Variants in RASSF1 observed in about 807,000 individuals in gnomAD.
RASSF1 encodes Ras association domain family member 1.
A neutral mutation model predicts 34.3 loss-of-function variants in RASSF1; 33 were observed. The ratio of observed to expected loss-of-function variants is 0.96; its 90% CI spans 0.73 to 1.29. RASSF1 has a LOEUF of 1.29. Among genes scored for constraint, RASSF1 ranks in the 50% most tolerant of loss-of-function variants. The probability of loss-of-function intolerance (pLI) is 0.00; values close to 1 mark genes in which losing one functional copy is unlikely to be tolerated. For synonymous variants in RASSF1, 191 were observed against 195.0 expected (o/e 0.98, Z 0.17); for missense variants, 445 against 471.8 (o/e 0.94, Z 0.53).
intron 2 of RASSF1, chr3:50,337,649 G>T: frequency 1.1e-6 from 1 of 929,342 alleles, no homozygotes; most frequent in Non-Finnish European, 1.6e-6. Context: ...GGCGAGGGCG[G>T]GAAGGTGCGG....
Position 50,331,454 on chromosome 3 carries a change from G to A in RASSF1, c.761-5C>T, listed in dbSNP as rs1189817127. ...CCAACAGCTTCCGCAAGTACACTGT[G>A]AAGGGGAAGTAATGATCAGAGACAG... On this transcript the variant is annotated splice_polypyrimidine_tract_variant and splice_region_variant and intron_variant, in intron 4 of 5. Transcript: ENST00000359365. The A allele has an allele frequency of 1.3e-6, 2 of 1,585,594 alleles. No individual in the cohort carries two copies. The highest frequency in any genetic ancestry group is 1.7e-6 in the Non-Finnish European group (2 of 1,161,574).
In RASSF1 at chr3:50,330,715, TG is replaced by T; in HGVS notation, c.888del (p.Phe296LeufsTer76). ...AGGAAGTTATGTAGTTCAGGCATGC[TG>T]AAGGCGTCCCACTGCAAGGGGCAAA... Reference protein sequence around the residue: ...NDSGEVNWDAFSMPELHNFLR... With the variant: ...NDSGEVNWDAXSMPELHNFLR... On this transcript the variant is annotated frameshift_variant, in exon 6 of 6. Transcript: ENST00000359365. LOFTEE classifies it high-confidence loss of function. This position sits in a 1 kb window ranked among gnomAD's most constrained non-coding sequence, Gnocchi z 4.5. 6.2e-7 allele frequency: 1 copy of T among 1,613,930 alleles called. No individual in the cohort carries two copies. The highest frequency in any genetic ancestry group is 8.5e-7 in the Non-Finnish European group (1 of 1,179,934).
In RASSF1 at chr3:50,337,794, A is replaced by G. The variant is rs587727238; in HGVS notation, c.357+111T>C. The G allele has an allele frequency of 1.2e-5, 14 of 1,152,612 alleles. No homozygotes were observed. In the South Asian group the frequency reaches 2.1e-4, roughly 17 times the overall value. 71.4% of individuals were successfully genotyped at this position (1,152,612 alleles called of 1,614,324 possible). A position where few individuals can be genotyped will look rare whatever the true frequency, so the allele number is the denominator to read the frequency against. On this transcript the variant is annotated intron_variant, in intron 2 of 5. Transcript: ENST00000359365. ...ATTAGCCTCTCTGTGCCGCCGGGAA[A>G]TCGGCAATTAGAACGCTCCTTGCGC...
intron 2 of RASSF1, 21 bp from the exon 3 acceptor site, chr3:50,332,175 G>A: frequency 6.2e-7 from 1 of 1,608,358 alleles, no homozygotes; most frequent in Non-Finnish European, 8.5e-7. Context: ...GGCCAGCATG[G>A]ACACAGGGCC....
rs753924873 is a variant in RASSF1, at chr3:50,340,671, C to A, written c.135G>T (p.Gln45His). 3 of 1,534,050 alleles carry A rather than the reference C, an allele frequency of 2.0e-6. No homozygotes were observed. The highest frequency in any genetic ancestry group is 2.6e-6 in the Non-Finnish European group (3 of 1,150,792). The stretch of plus-strand genomic sequence containing the variant: ...AGCGGTGGCCACGGCCAGGGACCAG[C>A]TGCCGTGTGGGGTTGCACGCGGTGC... ...ARGTACNPTR[Q>H]LVPGRGHRFQ... The change falls in exon 1 of 6, where the codon CAG becomes CAT. Residue 45 changes from glutamine (Q) to histidine (H), a missense_variant. Coordinates refer to ENST00000359365, the MANE Select transcript of RASSF1 (RefSeq NM_007182.5).
chr3:50,334,966 T>C (rs1457076741), intron 2 of RASSF1, among the ~76,000 whole-genome samples: 1 of 152,186 alleles, frequency 6.6e-6, no homozygotes, highest in Non-Finnish European at 1.5e-5. Flanking sequence ...GGTTTTTTTT[T>C]TGAGACAGAG....
chr3:50,332,633 GA>G lies in RASSF1; in HGVS notation c.358-480del, dbSNP rs56872728. ...CAAGACCTCATCTCTACTAAAAAAAGAAAAAAAAAAATTAGCCAGGTGTGGT... is the reference window on the plus strand; with the variant it reads ...CAAGACCTCATCTCTACTAAAAAAAGAAAAAAAAAATTAGCCAGGTGTGGT... On this transcript the variant is annotated intron_variant, in intron 2 of 5. Coordinates refer to ENST00000359365, the MANE Select transcript of RASSF1 (RefSeq NM_007182.5). 4.9e-4 allele frequency among the ~76,000 whole-genome samples: 72 copies of G among 147,090 alleles called. 1 individual carries two copies. Among genetic ancestry groups the G allele is most frequent in the East Asian group, 4.1e-3 (21 of 5,096 alleles).
At chr3:50,338,922 C>T (rs1703263945) in intron 1 of RASSF1, among the ~76,000 whole-genome samples, 1 of 152,194 alleles carries the variant, frequency 6.6e-6, no homozygotes, top group African/African-American at 2.4e-5. Context: ...TTCCTCCTAC[C>T]CCCTGCAGCT....
chr3:50,330,389 C>G lies in RASSF1; in HGVS notation c.*192G>C. The G allele has an allele frequency of 1.3e-6, 1 of 753,890 alleles. No individual in the cohort carries two copies. Among genetic ancestry groups the G allele is most frequent in the Non-Finnish European group, 2.1e-6 (1 of 478,516 alleles). The allele number at this position is 753,890 out of a possible 1,614,324, so 46.7% of individuals were successfully genotyped here. A position where few individuals can be genotyped will look rare whatever the true frequency, so the allele number is the denominator to read the frequency against. ...GCCCAGTAATGAGGGCAGAGGGGTG[C>G]AGAGCCATACCTGGCTACACCCACA... On this transcript the variant is annotated 3_prime_UTR_variant, in exon 6 of 6. Coordinates refer to ENST00000359365, the MANE Select transcript of RASSF1 (RefSeq NM_007182.5). This position sits in a 1 kb window ranked among gnomAD's most constrained non-coding sequence, Gnocchi z 4.5.
chr3:50,336,903 C>G, intron 2 of RASSF1: 1 of 517,560 alleles, frequency 1.9e-6, no homozygotes, highest in Middle Eastern at 5.2e-4. Context: ...TAATGCCCGG[C>G]TCAGGTCTAC....
intron 1 of RASSF1, 23 bp from the exon 2 acceptor site, chr3:50,338,034 G>A: frequency 6.4e-7 from 1 of 1,560,772 alleles, no homozygotes; most frequent in Non-Finnish European, 8.7e-7. Context: ...CTGGCGGTGA[G>A]GCGGAGGAGC....
chr3:50,339,360 C>CTTTTTTTTT (rs1017192174), intron 1 of RASSF1, among the ~76,000 whole-genome samples: 4 of 104,452 alleles, frequency 3.8e-5, no homozygotes, highest in Non-Finnish European at 5.4e-5. Flanking sequence ...CAGCCTTGTT[C>CTTTTTTTTT]TTTTTTTTTT....
intron 2 of RASSF1, among the ~76,000 whole-genome samples, chr3:50,335,038 C>T (rs958192032): frequency 2.5e-4 from 38 of 152,114 alleles, no homozygotes; most frequent in Non-Finnish European, 1.0e-4. Flanking sequence ...CAATCTCTGC[C>T]TCCTGGGTTC....
At chr3:50,336,255 T>C (rs1049933015) in intron 2 of RASSF1, 47 of 152,252 alleles carry the variant, frequency 3.1e-4, no homozygotes, top group African/African-American at 1.1e-3. Flanking sequence ...TAAAATTTTA[T>C]CTGAAGCATC....
In RASSF1 at chr3:50,337,731, G is replaced by A. The variant is rs1703210464; in HGVS notation, c.357+174C>T. 1.3e-5 allele frequency: 11 copies of A among 861,984 alleles called. No homozygotes were observed. In the South Asian group the frequency reaches 2.0e-4, roughly 15 times the overall value. 53.4% of individuals were successfully genotyped at this position (861,984 alleles called of 1,614,324 possible). ...TTGCAGCGGGTGGAGTACTTGCGGA[G>A]CCGGCAATCCAGGCTCCCCTCCCAG... On this transcript the variant is annotated intron_variant, in intron 2 of 5. Transcript: ENST00000359365.
chr3:50,337,596 T>C (rs2109347566), intron 2 of RASSF1: 2 of 1,264,856 alleles, frequency 1.6e-6, no homozygotes, highest in South Asian at 2.8e-5. Context: ...CGGGGGCGGG[T>C]GCCAGCGTCC....
intron 2 of RASSF1, among the ~76,000 whole-genome samples, chr3:50,332,734 G>A (rs955729566): frequency 6.6e-6 from 1 of 152,150 alleles, no homozygotes; most frequent in African/African-American, 2.4e-5. Flanking sequence ...TGCAGCTACA[G>A]TAAGCTATTA....
chr3:50,331,319 G>T lies in RASSF1; in HGVS notation c.876+15C>A. On this transcript the variant is annotated intron_variant, in intron 5 of 5. Transcript: ENST00000359365. ...TGTCTAGTGACAACCAAGAAACTAA[G>T]AACTATGTACTCACGTTCACCTCCC... 3 of 1,519,726 alleles carry T rather than the reference G, an allele frequency of 2.0e-6. No homozygotes were observed. In the South Asian group the frequency reaches 3.6e-5, roughly 18 times the overall value. 94.1% of individuals were successfully genotyped at this position (1,519,726 alleles called of 1,614,324 possible). A position where few individuals can be genotyped will look rare whatever the true frequency, so the allele number is the denominator to read the frequency against.
In RASSF1 at chr3:50,340,580, C is replaced by G. The variant is rs745594206; in HGVS notation, c.226G>C (p.Val76Leu). 2 of 1,545,046 alleles carry G rather than the reference C, an allele frequency of 1.3e-6. No homozygotes were observed. The highest frequency in any genetic ancestry group is 1.9e-5 in the Admixed American group (1 of 53,438). Residue 76 changes from valine (V) to leucine (L), a missense_variant, in exon 1 of 6, where the codon GTG becomes CTG. Val to Leu is a conservative substitution (Grantham distance 32, BLOSUM62 1). Coordinates refer to ENST00000359365, the MANE Select transcript of RASSF1 (RefSeq NM_007182.5). ...CGCGCGCACTGCAGGCCTTTGCGCA[C>G]GACGCCCCAGATGAAGTCGCCACAG... Reference protein sequence around the residue: ...DLCGDFIWGVVRKGLQCAHCK... With the variant: ...DLCGDFIWGVLRKGLQCAHCK...
Sources: allele counts gnomAD v4.1 joint callset (sites outside exome capture counted in the v4.1 genomes callset), GRCh38; gene constraint gnomAD v4.1.1; non-coding constraint Gnocchi (gnomAD v3.1); transcripts MANE v1.5; gene names NCBI Gene and HGNC (gene_info 2026-07-23, HGNC 2026-07-21).